TP63: variants seen among roughly 807,000 people sequenced by gnomAD.
The protein encoded by TP63 is tumor protein 63.
In TP63, 17 loss-of-function variants were observed where a neutral mutation model predicts 82.8. That is an observed-to-expected ratio of 0.21 (90% confidence interval 0.14 to 0.31). TP63 has a LOEUF of 0.31. Ranked by LOEUF, TP63 falls within the 10% of genes least tolerant of loss-of-function variation. TP63 has a pLI of 1.00. For synonymous variants in TP63, 330 were observed against 321.7 expected (o/e 1.03, Z -0.28); for missense variants, 648 against 895.3 (o/e 0.72, Z 3.52).
At chr3:189,672,670 AAG>A (rs1715016003) in intron 1 of TP63, among the ~76,000 whole-genome samples, 1 of 62,674 alleles carries the variant, frequency 1.6e-5, no homozygotes, top group Non-Finnish European at 4.1e-5. Flanking sequence ...GGAAAGAAGG[AAG>A]GAAGGAAGGA....
chr3:189,750,527 A>G (rs1357956716), intron 3 of TP63, among the ~76,000 whole-genome samples: 1 of 152,228 alleles, frequency 6.6e-6, no homozygotes, highest in African/African-American at 2.4e-5. Flanking sequence ...CGAATACTCC[A>G]AACATCCTAA....
chr3:189,783,264 A>T (rs1036677930), intron 3 of TP63, among the ~76,000 whole-genome samples: 1 of 151,996 alleles, frequency 6.6e-6, no homozygotes, highest in African/African-American at 2.4e-5. Context: ...ATCTGTATAC[A>T]CAGATACATA....
chr3:189,803,741 C>G (rs1260086571), intron 3 of TP63, among the ~76,000 whole-genome samples: 1 of 152,084 alleles, frequency 6.6e-6, no homozygotes, highest in South Asian at 2.1e-4. Context: ...TTTCCAGGGT[C>G]CAAACAGTGA....
intron 4 of TP63, among the ~76,000 whole-genome samples, chr3:189,817,006 G>GGAC (rs1553847217): frequency 6.7e-6 from 1 of 149,396 alleles, no homozygotes; most frequent in Non-Finnish European, 1.5e-5. Flanking sequence ...TCATGTGGGG[G>GGAC]AAAAAAAAAA....
chr3:189,864,027 A>C (rs1443123032), intron 4 of TP63, among the ~76,000 whole-genome samples: 1 of 152,214 alleles, frequency 6.6e-6, no homozygotes, highest in Non-Finnish European at 1.5e-5. Flanking sequence ...TTTTGTAAAC[A>C]TGGGGTTTTA....
intron 1 of TP63, among the ~76,000 whole-genome samples, chr3:189,644,468 A>G (rs1712219825): frequency 6.6e-6 from 1 of 152,236 alleles, no homozygotes; most frequent in Admixed American, 6.5e-5. Flanking sequence ...AGTGAAATGC[A>G]TAGAATAATA....
chr3:189,742,697 T>C (rs1484882298), intron 3 of TP63, among the ~76,000 whole-genome samples: 2 of 152,226 alleles, frequency 1.3e-5, no homozygotes, highest in Non-Finnish European at 2.9e-5. Flanking sequence ...GGTCTAGCCA[T>C]AACAATTTTG....
intron 3 of TP63, among the ~76,000 whole-genome samples, chr3:189,757,913 AAGACCTCAGG>A (rs143679516): frequency 0.06 from 9,069 of 152,188 alleles, 353 homozygotes; most frequent in Admixed American, 0.13. Context: ...GCTTCCCAAA[AAGACCTCAGG>A]AGTTGGGTGA....
the TP63 span, among the ~76,000 whole-genome samples, chr3:189,620,508 AAAAAAAAAC>A: frequency 7.1e-6 from 1 of 140,808 alleles, no homozygotes; most frequent in Admixed American, 7.0e-5. Context: ...GACTCCATCA[AAAAAAAAAC>A]AAAAAAAAAA....
chr3:189,813,295 C>A (rs1031634629), intron 4 of TP63, among the ~76,000 whole-genome samples: 1 of 152,166 alleles, frequency 6.6e-6, no homozygotes, highest in African/African-American at 2.4e-5. Context: ...TAAGCAATAA[C>A]CATACGGCCA....
At chr3:189,662,238 C>A (rs1168751152) in intron 1 of TP63, among the ~76,000 whole-genome samples, 1 of 152,030 alleles carries the variant, frequency 6.6e-6, no homozygotes, top group East Asian at 1.9e-4. Context: ...GCTTTTGCTG[C>A]ATCCCAACGA....
At position 189,756,417 on chromosome 3, in the gene TP63, A is replaced by G. The variant is rs1036384560; in HGVS notation, c.324+17643A>G. 7.2e-5 allele frequency among the ~76,000 whole-genome samples: 11 copies of G among 152,346 alleles called. No individual in the cohort carries two copies. The East Asian group carries it at 2.1e-3, about 29-fold the overall frequency. ...CTCTGTTCTGTTCTTTGTACAGTAT[A>G]GCCAATGGGAAGGCAGCACTTTGTT... On this transcript the variant is annotated intron_variant, in intron 3 of 13. Coordinates refer to ENST00000264731, the MANE Select transcript of TP63 (RefSeq NM_003722.5).
At chr3:189,889,837 A>G (rs6790068) in intron 12 of TP63, among the ~76,000 whole-genome samples, 61,023 of 152,058 alleles carry the variant, frequency 0.4, 12,430 homozygotes, top group African/African-American at 0.47. Flanking sequence ...TAAACTTGCT[A>G]TCTCGCTCCT....
At chr3:189,624,432 T>C in the TP63 span, among the ~76,000 whole-genome samples, 2 of 152,174 alleles carry the variant, frequency 1.3e-5, no homozygotes, top group African/African-American at 4.8e-5. Context: ...AGATGAATCA[T>C]ATGTCAATAT....
intron 4 of TP63, among the ~76,000 whole-genome samples, chr3:189,839,895 G>T (rs1713728576): frequency 6.6e-6 from 1 of 152,166 alleles, no homozygotes; most frequent in Admixed American, 6.5e-5. Context: ...AGGAGCAAGG[G>T]TGCTGCAGTG....
intron 3 of TP63, among the ~76,000 whole-genome samples, chr3:189,765,531 G>A (rs1206786312): frequency 2.8e-5 from 4 of 140,890 alleles, no homozygotes; most frequent in Non-Finnish European, 6.0e-5. Context: ...CGCCTCCCGG[G>A]TTCACGCCAT....
chr3:189,777,039 C>T (rs1723856057), intron 3 of TP63, among the ~76,000 whole-genome samples: 1 of 152,146 alleles, frequency 6.6e-6, no homozygotes, highest in Non-Finnish European at 1.5e-5. Context: ...TTTCTGGAAG[C>T]TTAAAGCTGA....
At chr3:189,699,664 T>A (rs1250579778) in intron 1 of TP63, among the ~76,000 whole-genome samples, 2 of 151,754 alleles carry the variant, frequency 1.3e-5, no homozygotes, top group African/African-American at 4.8e-5. Flanking sequence ...ACTAGCATAT[T>A]TGTTTTAAAA....
chr3:189,686,767 G>C (rs1716482580), intron 1 of TP63, among the ~76,000 whole-genome samples: 1 of 141,340 alleles, frequency 7.1e-6, no homozygotes, highest in South Asian at 2.2e-4. Flanking sequence ...GTCTTACTCT[G>C]TCAGCCATGC....
Sources: allele counts gnomAD v4.1 joint callset (sites outside exome capture counted in the v4.1 genomes callset), GRCh38; gene constraint gnomAD v4.1.1; transcripts MANE v1.5; gene names NCBI Gene and HGNC (gene_info 2026-07-23, HGNC 2026-07-21).